Variants in FRMD5 observed in about 807,000 individuals in gnomAD.
FRMD5 encodes the protein FERM domain containing 5, also known as FERM domain-containing protein 5.
In FRMD5, 20 loss-of-function variants were observed where a neutral mutation model predicts 69.0. That is an observed-to-expected ratio of 0.29 (90% CI 0.20 to 0.42). The LOEUF is 0.42. Ranked by LOEUF, FRMD5 falls within the 10% of genes least tolerant of loss-of-function variation. The pLI is 1.00. For missense variants in FRMD5, 595 were observed against 708.6 expected (o/e 0.84, Z 1.82); for synonymous variants, 271 against 260.1 (o/e 1.04, Z -0.40).
At chr15:43,914,880 C>G (rs965693618) in intron 4 of FRMD5, among the ~76,000 whole-genome samples, 1 of 152,024 alleles carries the variant, frequency 6.6e-6, no homozygotes, top group Non-Finnish European at 1.5e-5. Context: ...CACGTGCCAC[C>G]ACGCCTGGCC....
At chr15:43,878,233 A>G (rs2088419247) in intron 13 of FRMD5, among the ~76,000 whole-genome samples, 1 of 152,096 alleles carries the variant, frequency 6.6e-6, no homozygotes, top group African/African-American at 2.4e-5. Context: ...CACCACGCCC[A>G]GCCCCATTTT....
chr15:43,873,553 T>C lies in FRMD5; in HGVS notation c.*332A>G, dbSNP rs2088222996. 7.2e-7 allele frequency: 1 copy of C among 1,390,196 alleles called. No homozygotes were observed. Among genetic ancestry groups the C allele is most frequent in the East Asian group, 3.1e-5 (1 of 32,500 alleles). 86.1% of individuals were successfully genotyped at this position (1,390,196 alleles called of 1,614,324 possible). On this transcript the variant is annotated 3_prime_UTR_variant, in exon 14 of 14. Transcript: ENST00000417257. ...TCAGTAATAGTAAAATAAATTATTT[T>C]TATTTGATACTTCAAAATAATATAC...
At position 43,894,245 on chromosome 15, in the gene FRMD5, G is replaced by A. The variant is rs77539515; in HGVS notation, c.640-2176C>T. ...TCAGGGAAGGGTGGCCTTGAGGTAA[G>A]AATGACTGGGAGAGGTTGGGGAGGG... On this transcript the variant is annotated intron_variant, in intron 7 of 13. Coordinates refer to ENST00000417257, the MANE Select transcript of FRMD5 (RefSeq NM_032892.5). 5.5e-3 allele frequency among the ~76,000 whole-genome samples: 837 copies of A among 152,308 alleles called. 6 individuals are homozygous for A. Among genetic ancestry groups the A allele is most frequent in the African/African-American group, 0.019 (788 of 41,554 alleles).
At chr15:44,115,398 C>T (rs1395824488) in intron 1 of FRMD5, among the ~76,000 whole-genome samples, 1 of 152,064 alleles carries the variant, frequency 6.6e-6, no homozygotes, top group Non-Finnish European at 1.5e-5. Flanking sequence ...GATCAACTTG[C>T]AAAATAAACT....
At chr15:44,034,651 G>A (rs759016795) in intron 1 of FRMD5, among the ~76,000 whole-genome samples, 3 of 152,218 alleles carry the variant, frequency 2.0e-5, no homozygotes, top group Non-Finnish European at 4.4e-5. Context: ...GTCTGGAGCA[G>A]GAAGACGTAA....
intron 1 of FRMD5, among the ~76,000 whole-genome samples, chr15:44,152,837 G>T (rs930707266): frequency 6.6e-6 from 1 of 151,550 alleles, no homozygotes; most frequent in Admixed American, 6.6e-5. Flanking sequence ...TTTATATATT[G>T]TGGATCTGAC....
At chr15:44,017,715 C>T (rs35447247) in intron 1 of FRMD5, among the ~76,000 whole-genome samples, 5,409 of 151,420 alleles carry the variant, frequency 0.036, 134 homozygotes, top group Middle Eastern at 0.075. Context: ...ACGCCATTCT[C>T]CTGACTCAGC....
intron 1 of FRMD5, among the ~76,000 whole-genome samples, chr15:43,952,000 CTG>C (rs367759637): frequency 0.5 from 61,583 of 123,162 alleles, 14,596 homozygotes; most frequent in East Asian, 0.67. Flanking sequence ...GTGTGTGTGT[CTG>C]TGTGTGTGTG....
At chr15:43,963,896 G>C (rs764488440) in intron 1 of FRMD5, among the ~76,000 whole-genome samples, 1 of 152,034 alleles carries the variant, frequency 6.6e-6, no homozygotes, top group African/African-American at 2.4e-5. Flanking sequence ...TCACACACCA[G>C]GGACTGTTGT....
intron 1 of FRMD5, among the ~76,000 whole-genome samples, chr15:44,012,665 CA>C (rs1279647287): frequency 6.6e-6 from 1 of 151,380 alleles, no homozygotes; most frequent in Non-Finnish European, 1.5e-5. Context: ...TCTCAATTAA[CA>C]GGGGGTACAC....
intron 1 of FRMD5, among the ~76,000 whole-genome samples, chr15:43,987,017 A>C: frequency 6.6e-6 from 1 of 152,194 alleles, no homozygotes; most frequent in East Asian, 1.9e-4. Flanking sequence ...CATGAACCAC[A>C]CACATAGAAG....
At chr15:43,875,363 A>AAAAAATATAT (rs1366807150) in intron 13 of FRMD5, among the ~76,000 whole-genome samples, 1 of 105,344 alleles carries the variant, frequency 9.5e-6, no homozygotes, top group African/African-American at 4.0e-5. Context: ...AAAAAAAAAA[A>AAAAAATATAT]ATATATATAT....
intron 1 of FRMD5, among the ~76,000 whole-genome samples, chr15:44,144,074 T>G (rs536835241): frequency 6.6e-6 from 1 of 152,276 alleles, no homozygotes; most frequent in East Asian, 1.9e-4. Flanking sequence ...TGAGAACTTT[T>G]CAGTGTCCAA....
intron 1 of FRMD5, among the ~76,000 whole-genome samples, chr15:43,954,524 A>T (rs1279065094): frequency 6.6e-6 from 1 of 152,244 alleles, no homozygotes; most frequent in Non-Finnish European, 1.5e-5. Context: ...AGGCATAAAG[A>T]TGACTCTCAC....
intron 1 of FRMD5, among the ~76,000 whole-genome samples, chr15:44,134,435 G>A (rs1566964034): frequency 6.6e-6 from 1 of 151,766 alleles, no homozygotes; most frequent in East Asian, 1.9e-4. Context: ...TAGGTAAGAG[G>A]ATAGAGAGGT....
intron 1 of FRMD5, among the ~76,000 whole-genome samples, chr15:44,077,708 A>C (rs1893827658): frequency 6.6e-6 from 1 of 152,110 alleles, no homozygotes; most frequent in Non-Finnish European, 1.5e-5. Flanking sequence ...GGATGTATGA[A>C]GTAACTAAGC....
At chr15:44,002,891 T>C (rs1890275489) in intron 1 of FRMD5, among the ~76,000 whole-genome samples, 2 of 152,100 alleles carry the variant, frequency 1.3e-5, no homozygotes, top group Admixed American at 1.3e-4. Flanking sequence ...TCTCCCCCCT[T>C]TCCATACTTG....
chr15:43,875,816 T>TTTTTTG, intron 13 of FRMD5: 10 of 376,164 alleles, frequency 2.7e-5, no homozygotes, highest in African/African-American at 1.5e-4. Context: ...TTTTTTTTTT[T>TTTTTTG]TTTTTTTTTT....
chr15:43,880,832 A>C (rs970022754), intron 13 of FRMD5, among the ~76,000 whole-genome samples: 1 of 152,110 alleles, frequency 6.6e-6, no homozygotes, highest in Non-Finnish European at 1.5e-5. Flanking sequence ...GCCTCTCCCC[A>C]CTGTACGTCT....
Sources: allele counts gnomAD v4.1 joint callset (sites outside exome capture counted in the v4.1 genomes callset), GRCh38; gene constraint gnomAD v4.1.1; transcripts MANE v1.5; gene names NCBI Gene and HGNC (gene_info 2026-07-23, HGNC 2026-07-21).